The following CUX1 variants were observed in gnomAD, a reference collection of about 807,000 sequenced individuals.
CUX1 encodes the protein cut like homeobox 1, also known as protein CASP.
Under a neutral mutation model 158.8 loss-of-function variants are expected in CUX1, and 31 were observed. That is an observed-to-expected ratio of 0.20 (90% CI 0.15 to 0.26). The LOEUF (loss-of-function observed/expected upper bound fraction) is 0.26, where lower values mean the gene tolerates loss of function less well. Among genes scored for constraint, CUX1 ranks in the 10% least tolerant of loss-of-function variants. The pLI, the probability that CUX1 is intolerant of heterozygous loss-of-function variation, is 1.00. For missense variants in CUX1, 1,589 were observed against 2,014.6 expected, an observed-to-expected ratio of 0.79 and a Z score of 4.04; for synonymous variants, 879 against 862.1, an observed-to-expected ratio of 1.02 and a Z score of -0.34.
chr7:102,235,420 G>A (rs1020793115), intron 22 of CUX1, among the ~76,000 whole-genome samples: 14 of 151,842 alleles, frequency 9.2e-5, no homozygotes, highest in African/African-American at 2.9e-4. Flanking sequence ...CATCCCAGGG[G>A]CCGGGCACAG....
At chr7:102,269,113 GGTTTTTTTGTTT>G (rs1419607732) in intron 14 of CUX1, among the ~76,000 whole-genome samples, 1 of 90,698 alleles carries the variant, frequency 1.1e-5, no homozygotes, top group African/African-American at 5.0e-5. Flanking sequence ...TTTTTGTGTG[GGTTTTTTTGTTT>G]GTTTGTTTGT....
At chr7:102,105,354 T>G (rs17496657) in intron 6 of CUX1, among the ~76,000 whole-genome samples, 38,149 of 151,916 alleles carry the variant, frequency 0.25, 5,003 homozygotes, top group Non-Finnish European at 0.29. Context: ...GTAACTGATG[T>G]GAGTTTTAGA....
intron 3 of CUX1, among the ~76,000 whole-genome samples, chr7:102,049,680 AAAAAAC>A (rs926555508): frequency 2.6e-5 from 4 of 152,120 alleles, no homozygotes; most frequent in Admixed American, 2.6e-4. Context: ...TCTCTACCAA[AAAAAAC>A]AAAAACAAAA....
At chr7:102,053,448 C>T (rs411656) in intron 3 of CUX1, among the ~76,000 whole-genome samples, 82,774 of 151,978 alleles carry the variant, frequency 0.54, 24,563 homozygotes, top group East Asian at 0.97. Flanking sequence ...ACAAATAATC[C>T]GATTATACTT....
intron 2 of CUX1, among the ~76,000 whole-genome samples, chr7:101,922,240 C>A (rs1310631633): frequency 6.6e-6 from 1 of 152,140 alleles, no homozygotes. Flanking sequence ...TAAAAAGTTT[C>A]TTATCTTTCT....
intron 3 of CUX1, among the ~76,000 whole-genome samples, chr7:102,057,134 C>A (rs1206511869): frequency 6.6e-6 from 1 of 151,920 alleles, no homozygotes; most frequent in Non-Finnish European, 1.5e-5. Context: ...ATCTCCTGAC[C>A]TCGTGATCCG....
chr7:102,137,591 G>T (rs1179492517), intron 8 of CUX1, among the ~76,000 whole-genome samples: 1 of 152,056 alleles, frequency 6.6e-6, no homozygotes, highest in African/African-American at 2.4e-5. Flanking sequence ...AGCTGAGATG[G>T]CACCGCTGCA....
chr7:102,117,397 C>CAAAAAAAAAAA (rs10633602), intron 8 of CUX1, among the ~76,000 whole-genome samples: 8 of 46,666 alleles, frequency 1.7e-4, no homozygotes, highest in Admixed American at 2.8e-4. Flanking sequence ...GACTCCATCG[C>CAAAAAAAAAAA]AAAAAAAAAA....
At chr7:102,141,888 G>A (rs1030139060) in intron 8 of CUX1, among the ~76,000 whole-genome samples, 3 of 142,100 alleles carry the variant, frequency 2.1e-5, no homozygotes, top group Non-Finnish European at 4.5e-5. Flanking sequence ...TGATCCACCC[G>A]CCTCAGCCTC....
Position 102,253,197 on chromosome 7 carries a change from C to T in CUX1, c.*4155C>T, listed in dbSNP as rs1464695441. 21 of 985,356 alleles carry T rather than the reference C, an allele frequency of 2.1e-5. No individual in the cohort carries two copies. The highest frequency in any genetic ancestry group is 6.1e-5 in the Admixed American group (1 of 16,268). 61.0% of individuals were successfully genotyped at this position (985,356 alleles called of 1,614,324 possible). ...CGTTCAGGTCTGCTGGTTGGCGGTC[C>T]GGGCCCAGAGTGCAGCAGAGCTCTG... On this transcript the variant is annotated 3_prime_UTR_variant, in exon 24 of 24. Transcript: ENST00000292535.
chr7:102,216,659 CCACACACACT>C (rs1210940696), intron 20 of CUX1, among the ~76,000 whole-genome samples: 3 of 58,138 alleles, frequency 5.2e-5, no homozygotes, highest in South Asian at 8.0e-4. Context: ...ACACACTCTC[CCACACACACT>C]CACACACACA....
chr7:102,103,832 C>T (rs1830048352), intron 5 of CUX1, among the ~76,000 whole-genome samples: 1 of 151,756 alleles, frequency 6.6e-6, no homozygotes, highest in South Asian at 2.1e-4. Flanking sequence ...CGTTTTGATA[C>T]AGGCATGCAA....
chr7:102,225,558 A>G (rs1441620329), intron 20 of CUX1, among the ~76,000 whole-genome samples: 1 of 152,194 alleles, frequency 6.6e-6, no homozygotes, highest in African/African-American at 2.4e-5. Flanking sequence ...GGCCCAAGGG[A>G]GAAGCAGCAA....
In CUX1 at chr7:102,124,786, T is replaced by TC. The variant is rs1373023135; in HGVS notation, c.674+9513_674+9514insC. Reference sequence around the variant, plus strand: ...TTGTAAAATTGGTTAGTAGAAATTTTTTTTTTTTTTTTGAGACAGAGTCTC... The same window carrying TC: ...TTGTAAAATTGGTTAGTAGAAATTTTCTTTTTTTTTTTTGAGACAGAGTCTC... On this transcript the variant is annotated intron_variant, in intron 8 of 23. Transcript: ENST00000292535. Among the ~76,000 whole-genome samples the TC allele has an allele frequency of 4.0e-4, 61 of 152,090 alleles. 1 individual carries two copies. The highest frequency in any genetic ancestry group is 7.9e-4 in the Non-Finnish European group (54 of 67,964).
intron 3 of CUX1, among the ~76,000 whole-genome samples, chr7:102,068,007 C>T (rs944981343): frequency 1.3e-5 from 2 of 151,658 alleles, no homozygotes; most frequent in African/African-American, 4.8e-5. Flanking sequence ...GGCAACAGAG[C>T]GAGCCTCCAT....
intron 1 of CUX1, among the ~76,000 whole-genome samples, chr7:101,870,588 G>A (rs1798424120): frequency 6.6e-6 from 1 of 152,104 alleles, no homozygotes; most frequent in Non-Finnish European, 1.5e-5. Flanking sequence ...TAAAACTCTT[G>A]TCTAGAAATT....
intron 1 of CUX1, among the ~76,000 whole-genome samples, chr7:101,878,961 T>C (rs62463732): frequency 0.2 from 30,432 of 152,220 alleles, 3,881 homozygotes; most frequent in Non-Finnish European, 0.28. Context: ...CATGAGCCAC[T>C]GCACCCAGTC....
intron 14 of CUX1, among the ~76,000 whole-genome samples, chr7:102,268,032 G>A (rs1790936776): frequency 6.6e-6 from 1 of 151,994 alleles, no homozygotes; most frequent in Admixed American, 6.6e-5. Context: ...GCCCCCTCTA[G>A]GATGTCTTTG....
intron 1 of CUX1, among the ~76,000 whole-genome samples, chr7:101,855,417 G>GT (rs1796664752): frequency 6.6e-6 from 1 of 152,192 alleles, no homozygotes; most frequent in Admixed American, 6.5e-5. Context: ...ATGCCTGGTC[G>GT]TTTCTCATAG....
Sources: gnomAD v4.1 joint callset for allele counts (sites outside exome capture counted in the v4.1 genomes callset) on GRCh38, gnomAD v4.1.1 for gene constraint, MANE v1.5 for transcripts, NCBI Gene and HGNC (gene_info 2026-07-23, HGNC 2026-07-21) for gene names.